The following CPQ variants were observed in gnomAD, a reference collection of about 807,000 sequenced individuals.
CPQ encodes the protein carboxypeptidase Q.
CPQ carries 37 observed loss-of-function variants against 45.7 expected under a neutral mutation model. The observed-to-expected ratio is 0.81, with a 90% CI of 0.62 to 1.07. The LOEUF (loss-of-function observed/expected upper bound fraction) is 1.07. Among genes scored for constraint, CPQ ranks in the 50% least tolerant of loss-of-function variants. The pLI is 0.00. For missense variants in CPQ, 537 were observed against 572.9 expected (o/e 0.94, Z 0.64); for synonymous variants, 186 against 205.8 (o/e 0.90, Z 0.82).
intron 7 of CPQ, among the ~76,000 whole-genome samples, chr8:97,135,084 A>G (rs2130626956): frequency 6.6e-6 from 1 of 152,346 alleles, no homozygotes; most frequent in Non-Finnish European, 1.5e-5. Context: ...GTGTTGACCT[A>G]AACTATTTGG....
Position 96,976,525 on chromosome 8 carries a change from A to G in CPQ, c.961+10479A>G, listed in dbSNP as rs183506666. On this transcript the variant is annotated intron_variant, in intron 5 of 7. Coordinates refer to ENST00000220763, the MANE Select transcript of CPQ (RefSeq NM_016134.4). ...CCTAAAATTAATATGGAACCAAAAA[A>G]GAGCCCGCATAGCCAAAGCAAGACC... 5.9e-5 allele frequency among the ~76,000 whole-genome samples: 9 copies of G among 152,270 alleles called. No individual in the cohort carries two copies. The East Asian group carries it at 1.2e-3, about 20-fold the overall frequency.
At chr8:96,654,076 G>A (rs959845446) in intron 1 of CPQ, among the ~76,000 whole-genome samples, 3 of 152,112 alleles carry the variant, frequency 2.0e-5, no homozygotes, top group East Asian at 1.9e-4. Context: ...TAATCAGAAC[G>A]CTTCTGCCAG....
intron 1 of CPQ, among the ~76,000 whole-genome samples, chr8:96,698,681 A>G (rs1177133798): frequency 1.3e-5 from 2 of 152,154 alleles, no homozygotes; most frequent in African/African-American, 2.4e-5. Context: ...AAAAATGGGC[A>G]AAAGATGAAT....
chr8:97,084,574 C>T (rs183404084), intron 7 of CPQ, among the ~76,000 whole-genome samples: 15 of 152,278 alleles, frequency 9.9e-5, no homozygotes, highest in South Asian at 2.1e-4. Context: ...GCTGTGTTTC[C>T]GGTCTTTTGG....
At chr8:97,091,854 AGATGGATG>A (rs35037040) in intron 7 of CPQ, among the ~76,000 whole-genome samples, 19 of 150,570 alleles carry the variant, frequency 1.3e-4, no homozygotes, top group Non-Finnish European at 2.5e-4. Context: ...ATGGATGGAT[AGATGGATG>A]GATGGATGGA....
chr8:97,116,765 G>A (rs1586548910), intron 7 of CPQ, among the ~76,000 whole-genome samples: 1 of 152,308 alleles, frequency 6.6e-6, no homozygotes, highest in East Asian at 1.9e-4. Context: ...CCCAAAGTTG[G>A]GAAATACAGA....
intron 1 of CPQ, among the ~76,000 whole-genome samples, chr8:96,696,226 G>T (rs1422068008): frequency 4.6e-5 from 7 of 151,208 alleles, no homozygotes; most frequent in Non-Finnish European, 8.8e-5. Context: ...TCACTCATAG[G>T]TGGGAATTGA....
At chr8:97,056,076 G>A (rs1338552791) in intron 6 of CPQ, among the ~76,000 whole-genome samples, 1 of 151,460 alleles carries the variant, frequency 6.6e-6, no homozygotes, top group Non-Finnish European at 1.5e-5. Flanking sequence ...TCCAGGCTTG[G>A]TGACAGAGTG....
chr8:96,752,389 G>T (rs929899199), intron 1 of CPQ, among the ~76,000 whole-genome samples: 6 of 151,890 alleles, frequency 4.0e-5, no homozygotes, highest in Admixed American at 3.9e-4. Context: ...CTTTTTGTAG[G>T]AATTGTGAAT....
At chr8:96,766,822 A>G (rs1215173617) in intron 1 of CPQ, among the ~76,000 whole-genome samples, 1 of 152,182 alleles carries the variant, frequency 6.6e-6, no homozygotes, top group African/African-American at 2.4e-5. Context: ...GCCAGCAGGC[A>G]TTACTGATGC....
chr8:96,972,347 C>T (rs1033679107), intron 5 of CPQ, among the ~76,000 whole-genome samples: 5 of 152,196 alleles, frequency 3.3e-5, no homozygotes, highest in Non-Finnish European at 7.4e-5. Context: ...ACAGCAGCTG[C>T]AGCAAGCCCT....
Position 97,131,347 on chromosome 8 carries a change from T to C in CPQ, c.1256-11673T>C, listed in dbSNP as rs1469234814. ...CTCTCACACAGATCAATTTTCTTCA[T>C]TGGCCAGAGCTGCCTCTAAAGAAAT... On this transcript the variant is annotated intron_variant, in intron 7 of 7. Coordinates refer to ENST00000220763, the MANE Select transcript of CPQ (RefSeq NM_016134.4). Among the ~76,000 whole-genome samples, 8 of 152,352 alleles carry C rather than the reference T, an allele frequency of 5.3e-5. No homozygotes were observed. The East Asian group carries it at 1.5e-3, about 29-fold the overall frequency.
intron 1 of CPQ, among the ~76,000 whole-genome samples, chr8:96,710,350 T>C (rs897004392): frequency 1.3e-5 from 2 of 152,124 alleles, no homozygotes; most frequent in Admixed American, 6.6e-5. Context: ...TTTCATTTAG[T>C]TATGTTCTGA....
intron 4 of CPQ, among the ~76,000 whole-genome samples, chr8:96,928,231 A>C (rs752271907): frequency 6.6e-6 from 1 of 152,106 alleles, no homozygotes; most frequent in Non-Finnish European, 1.5e-5. Context: ...ATGCACTAAT[A>C]ACCTTCCTCC....
At chr8:97,051,416 T>C (rs1810360335) in intron 6 of CPQ, among the ~76,000 whole-genome samples, 1 of 152,210 alleles carries the variant, frequency 6.6e-6, no homozygotes, top group Admixed American at 6.5e-5. Flanking sequence ...GACTATGATA[T>C]CAAAGTAATG....
At chr8:96,951,067 A>G (rs900847032) in intron 4 of CPQ, among the ~76,000 whole-genome samples, 1 of 152,142 alleles carries the variant, frequency 6.6e-6, no homozygotes, top group Admixed American at 6.6e-5. Flanking sequence ...TAGAGTTAAA[A>G]CAGATGAAAT....
At chr8:96,887,564 G>A (rs1222216039) in intron 4 of CPQ, among the ~76,000 whole-genome samples, 1 of 149,420 alleles carries the variant, frequency 6.7e-6, no homozygotes, top group Non-Finnish European at 1.5e-5. Flanking sequence ...GAATTGACCT[G>A]ACCAGAGGAC....
chr8:97,033,496 C>T lies in CPQ; in HGVS notation c.1053+4002C>T, dbSNP rs186833987. On this transcript the variant is annotated intron_variant, in intron 6 of 7. Transcript: ENST00000220763. ...AAAATATCATCACATTATTTGTATA[C>T]AATGATCTCTTTCTCGTTTGTATGA... 2.0e-3 allele frequency among the ~76,000 whole-genome samples: 304 copies of T among 152,226 alleles called. 6 individuals are homozygous for T. Among genetic ancestry groups the T allele is most frequent in the Admixed American group, 0.019 (298 of 15,290 alleles).
chr8:96,687,622 C>A (rs886446052), intron 1 of CPQ, among the ~76,000 whole-genome samples: 1 of 151,378 alleles, frequency 6.6e-6, no homozygotes, highest in Non-Finnish European at 1.5e-5. Flanking sequence ...TTATCTCTTT[C>A]ATTCTTTCTT....
Sources: gnomAD v4.1 joint callset for allele counts (sites outside exome capture counted in the v4.1 genomes callset) on GRCh38, gnomAD v4.1.1 for gene constraint, MANE v1.5 for transcripts, NCBI Gene and HGNC (gene_info 2026-07-23, HGNC 2026-07-21) for gene names.